MSRB3: variants seen among roughly 807,000 people sequenced by gnomAD.
MSRB3 encodes methionine sulfoxide reductase B3, also known as methionine-R-sulfoxide reductase B3.
A neutral mutation model predicts 21.0 loss-of-function variants in MSRB3; 13 were observed. That is an observed-to-expected ratio of 0.62 (90% confidence interval 0.40 to 0.98). MSRB3 has a LOEUF of 0.98. MSRB3 is among the 50% of genes least tolerant of loss of function. The pLI, the probability that MSRB3 is intolerant of heterozygous loss-of-function variation, is 0.00. For missense variants in MSRB3, 199 were observed against 230.3 expected, an observed-to-expected ratio of 0.86 and a Z score of 0.88; for synonymous variants, 87 against 88.6, an observed-to-expected ratio of 0.98 and a Z score of 0.10.
At chr12:65,462,801 G>T (rs1883388698) in intron 6 of MSRB3, among the ~76,000 whole-genome samples, 1 of 152,188 alleles carries the variant, frequency 6.6e-6, no homozygotes, top group South Asian at 2.1e-4. Context: ...AGTAATGCCG[G>T]GGGAAAGATT....
At chr12:65,282,676 G>GTTTTTTT (rs796149617) in intron 1 of MSRB3, among the ~76,000 whole-genome samples, 3 of 133,766 alleles carry the variant, frequency 2.2e-5, no homozygotes, top group Non-Finnish European at 3.2e-5. Context: ...CTTTGCTGGT[G>GTTTTTTT]TTTTTTTTTT....
At chr12:65,322,905 G>A (rs1874779299) in intron 2 of MSRB3, among the ~76,000 whole-genome samples, 1 of 151,972 alleles carries the variant, frequency 6.6e-6, no homozygotes, top group African/African-American at 2.4e-5. Context: ...GCATGTAGGA[G>A]GACTCAAATT....
chr12:65,317,839 A>G (rs1443759000), intron 2 of MSRB3, among the ~76,000 whole-genome samples: 1 of 152,226 alleles, frequency 6.6e-6, no homozygotes, highest in African/African-American at 2.4e-5. Context: ...AGCCAAGATC[A>G]TTATTTAGAA....
chr12:65,447,537 T>TACA (rs58331364), intron 5 of MSRB3, among the ~76,000 whole-genome samples: 2,740 of 152,298 alleles, frequency 0.018, 88 homozygotes, highest in African/African-American at 0.062. Context: ...AAAAAATACC[T>TACA]ACAATGCAAT....
Position 65,316,149 on chromosome 12 carries a change from C to G in MSRB3, c.76+7494C>G, listed in dbSNP as rs76375288. The G allele has an allele frequency of 3.3e-5, 5 of 152,154 alleles. No homozygotes were observed. In the East Asian group the frequency reaches 9.7e-4, roughly 29 times the overall value. The allele number at this position is 152,154 out of a possible 1,614,324, so 9.4% of individuals were successfully genotyped here. On this transcript the variant is annotated intron_variant, in intron 2 of 6. Coordinates refer to ENST00000308259, the MANE Select transcript of MSRB3 (RefSeq NM_001031679.3). The stretch of plus-strand genomic sequence containing the variant: ...TTCTACCACCAACTTGCTTTCTGGC[C>G]CCAGGAATCTTTGTTTTGTACCTTT...
At chr12:65,395,677 A>G (rs1452509442) in intron 5 of MSRB3, among the ~76,000 whole-genome samples, 1 of 152,158 alleles carries the variant, frequency 6.6e-6, no homozygotes, top group African/African-American at 2.4e-5. Context: ...TTATTGATTC[A>G]GTTTCTTTAA....
chr12:65,367,253 G>A (rs968372108), intron 4 of MSRB3, among the ~76,000 whole-genome samples: 5 of 152,338 alleles, frequency 3.3e-5, no homozygotes, highest in Middle Eastern at 6.8e-3. Context: ...GCAAGGCACA[G>A]ATTTGAAGGA....
chr12:65,453,855 C>A lies in MSRB3; in HGVS notation c.390+30C>A, dbSNP rs772615672. 6 of 1,561,620 alleles carry A rather than the reference C, an allele frequency of 3.8e-6. No homozygotes were observed. The Admixed American group carries it at 1.0e-4, about 26-fold the overall frequency. ...GTTCATCCTTTCTGAAAACCCAATA[C>A]ATTGCTTTCAGGACTCCTGGTTGTG... On this transcript the variant is annotated intron_variant, in intron 6 of 6. Coordinates refer to ENST00000308259, the MANE Select transcript of MSRB3 (RefSeq NM_001031679.3).
intron 5 of MSRB3, among the ~76,000 whole-genome samples, chr12:65,382,390 T>C (rs1878984893): frequency 6.6e-6 from 1 of 151,984 alleles, no homozygotes. Flanking sequence ...GTTAGAATAG[T>C]CTATTAAAAT....
intron 5 of MSRB3, among the ~76,000 whole-genome samples, chr12:65,422,058 G>A (rs927712930): frequency 6.6e-5 from 10 of 151,796 alleles, no homozygotes; most frequent in Admixed American, 5.3e-4. Context: ...AATGGAAATC[G>A]GAAAAAAGCA....
In MSRB3 at chr12:65,359,262, G is replaced by T. The variant is rs538355697; in HGVS notation, c.264-9736G>T. ...CACATTTATGTCCTCAGAGGCTATT[G>T]AAGTGTCCAAAGTGCTAGTCAACTC... On this transcript the variant is annotated intron_variant, in intron 4 of 6. Transcript: ENST00000308259. Among the ~76,000 whole-genome samples the T allele has an allele frequency of 2.9e-4, 44 of 152,026 alleles. No homozygotes were observed. The East Asian group carries it at 8.0e-3, about 27-fold the overall frequency.
At chr12:65,337,020 G>A (rs1051117985) in intron 4 of MSRB3, among the ~76,000 whole-genome samples, 45 of 152,070 alleles carry the variant, frequency 3.0e-4, no homozygotes, top group African/African-American at 9.9e-4. Context: ...GAGGCGGGCG[G>A]ATCACGAGGT....
chr12:65,415,795 G>A (rs1019174141), intron 5 of MSRB3, among the ~76,000 whole-genome samples: 1 of 152,136 alleles, frequency 6.6e-6, no homozygotes, highest in South Asian at 2.1e-4. Flanking sequence ...CCCTGGAAGG[G>A]TTTACCAGCC....
intron 4 of MSRB3, among the ~76,000 whole-genome samples, chr12:65,352,472 G>A (rs983830283): frequency 3.0e-4 from 46 of 151,354 alleles, no homozygotes; most frequent in African/African-American, 9.3e-4. Flanking sequence ...AGGGCAATTA[G>A]GCAGGAGAAG....
intron 6 of MSRB3, among the ~76,000 whole-genome samples, chr12:65,462,227 G>A (rs924171721): frequency 7.2e-5 from 11 of 152,068 alleles, no homozygotes; most frequent in Admixed American, 3.3e-4. Context: ...TCTCCATCTC[G>A]TTCGCCCCAT....
rs572850714 is a variant in MSRB3, at chr12:65,406,084, C to A, written c.292+37058C>A. On this transcript the variant is annotated intron_variant, in intron 5 of 6. Transcript: ENST00000308259. ...AGGAGCTTTTTAGTTTGATGTGATCCCATTTGTTTATTTTTCTTTTGTTGC... is the reference window on the plus strand; with the variant it reads ...AGGAGCTTTTTAGTTTGATGTGATCACATTTGTTTATTTTTCTTTTGTTGC... Among the ~76,000 whole-genome samples the A allele has an allele frequency of 2.6e-5, 4 of 151,812 alleles. No individual in the cohort carries two copies. In the East Asian group the frequency reaches 7.7e-4, roughly 29 times the overall value.
rs1217556107 is a variant in MSRB3, at chr12:65,463,870, G to A, written c.*548G>A. On this transcript the variant is annotated 3_prime_UTR_variant, in exon 7 of 7. Coordinates refer to ENST00000308259, the MANE Select transcript of MSRB3 (RefSeq NM_001031679.3). ...CACTGAAAGGGTGTGAAGGTCTAAA[G>A]TCTTTCCTTATGTTAAATTGTTGCC... 1 of 155,682 alleles carries A rather than the reference G, an allele frequency of 6.4e-6. No individual in the cohort carries two copies. Among genetic ancestry groups the A allele is most frequent in the East Asian group, 1.9e-4 (1 of 5,232 alleles). The allele number at this position is 155,682 out of a possible 1,614,324, so 9.6% of individuals were successfully genotyped here.
At chr12:65,339,563 AT>A (rs1876005804) in intron 4 of MSRB3, among the ~76,000 whole-genome samples, 1 of 152,250 alleles carries the variant, frequency 6.6e-6, no homozygotes, top group South Asian at 2.1e-4. Context: ...ATTACACAGT[AT>A]TTCTGTAATA....
rs1265850052 is a variant in MSRB3, at chr12:65,422,418, ATATATATATATATT to A, written c.293-31306_293-31293del. 4.3e-3 allele frequency among the ~76,000 whole-genome samples: 192 copies of A among 44,798 alleles called. 2 individuals carry two copies. Among genetic ancestry groups the A allele is most frequent in the East Asian group, 0.027 (36 of 1,346 alleles). The allele number at this position is 44,798 out of a possible 152,430, so 29.4% of individuals were successfully genotyped here. ...TATATATATATATATATATATATAT[ATATATATATATATT>A]TATTTATTTATTTATGGGGTATATG... On this transcript the variant is annotated intron_variant, in intron 5 of 6. Coordinates refer to ENST00000308259, the MANE Select transcript of MSRB3 (RefSeq NM_001031679.3).
Sources: gnomAD v4.1 joint callset for allele counts (sites outside exome capture counted in the v4.1 genomes callset) on GRCh38, gnomAD v4.1.1 for gene constraint, MANE v1.5 for transcripts, NCBI Gene and HGNC (gene_info 2026-07-23, HGNC 2026-07-21) for gene names.